The following RAPGEF6 variants were observed in gnomAD, a reference collection of about 807,000 sequenced individuals.
RAPGEF6 encodes the protein Rap guanine nucleotide exchange factor 6.
RAPGEF6 carries 56 observed loss-of-function variants against 171.4 expected under a neutral mutation model. The observed-to-expected ratio is 0.33, with a 90% CI of 0.26 to 0.41. RAPGEF6 has a LOEUF of 0.41. RAPGEF6 is among the 10% of genes least tolerant of loss of function. The pLI, the probability that RAPGEF6 is intolerant of heterozygous loss-of-function variation, is 1.00. For missense variants in RAPGEF6, 1,674 were observed against 1,921.4 expected (o/e 0.87, Z 2.41); for synonymous variants, 692 against 650.1 (o/e 1.06, Z -0.98).
chr5:131,521,941 T>TA (rs1446213893), intron 6 of RAPGEF6, among the ~76,000 whole-genome samples: 1 of 142,366 alleles, frequency 7.0e-6, no homozygotes, highest in African/African-American at 2.6e-5. Context: ...TCCCTCCTAA[T>TA]AAAAAATGGT....
intron 24 of RAPGEF6, among the ~76,000 whole-genome samples, chr5:131,436,818 G>T (rs1309882305): frequency 6.6e-6 from 1 of 152,124 alleles, no homozygotes; most frequent in Non-Finnish European, 1.5e-5. Context: ...ACATACAATA[G>T]GTATATTTAT....
chr5:131,527,305 A>AC lies in RAPGEF6; in HGVS notation c.496-5785_496-5784insG, dbSNP rs57032495. Among the ~76,000 whole-genome samples the AC allele has an allele frequency of 7.4e-3, 1,119 of 150,992 alleles. 14 individuals are homozygous for AC. Among genetic ancestry groups the AC allele is most frequent in the African/African-American group, 0.024 (964 of 40,832 alleles). Reference sequence around the variant, plus strand: ...AAAAAACAAAACAACAACAACAACAAAAAAAAACAGCTGGAAGAGAATGTT... The same window carrying AC: ...AAAAAACAAAACAACAACAACAACAACAAAAAAACAGCTGGAAGAGAATGTT... On this transcript the variant is annotated intron_variant, in intron 6 of 27. Coordinates refer to ENST00000509018, the MANE Select transcript of RAPGEF6 (RefSeq NM_016340.6).
chr5:131,428,472 T>C (rs1211190468), intron 27 of RAPGEF6, among the ~76,000 whole-genome samples: 1 of 152,096 alleles, frequency 6.6e-6, no homozygotes, highest in Admixed American at 6.5e-5. Flanking sequence ...TTTTTTTTTT[T>C]TTTTGGAGAC....
intron 15 of RAPGEF6, among the ~76,000 whole-genome samples, chr5:131,486,676 T>C (rs996271001): frequency 1.3e-5 from 2 of 152,006 alleles, no homozygotes; most frequent in Non-Finnish European, 2.9e-5. Context: ...TCTTTCTCAA[T>C]GATTGTTGTT....
At position 131,426,715 on chromosome 5, in the gene RAPGEF6, T is replaced by TTAA; in HGVS notation, c.*550_*551insTTA. 6.9e-6 allele frequency: 1 copy of TTAA among 144,034 alleles called. No homozygotes were observed. The highest frequency in any genetic ancestry group is 1.5e-5 in the Non-Finnish European group (1 of 65,716). The allele number at this position is 144,034 out of a possible 1,614,324, so 8.9% of individuals were successfully genotyped here. On this transcript the variant is annotated 3_prime_UTR_variant, in exon 28 of 28. Transcript: ENST00000509018. ...GTGTAGATCAAGCATATCACCTCTG[T>TTAA]AAAGATGACTTCTGTTTGGTCAGAC... is the stretch of plus-strand genomic sequence containing the variant.
At chr5:131,575,148 C>G (rs888934431) in intron 4 of RAPGEF6, among the ~76,000 whole-genome samples, 1 of 152,050 alleles carries the variant, frequency 6.6e-6, no homozygotes, top group African/African-American at 2.4e-5. Context: ...TCCTTTGCAC[C>G]CCTCATTCCA....
chr5:131,470,131 G>T (rs1447903698), intron 17 of RAPGEF6, among the ~76,000 whole-genome samples: 2 of 151,834 alleles, frequency 1.3e-5, no homozygotes, highest in Admixed American at 1.3e-4. Context: ...TAGATAAAAA[G>T]CCTTTCACAA....
intron 20 of RAPGEF6, among the ~76,000 whole-genome samples, chr5:131,454,426 G>C (rs752721339): frequency 3.3e-5 from 5 of 151,968 alleles, no homozygotes; most frequent in Non-Finnish European, 5.9e-5. Context: ...AGAAATGAAA[G>C]AGTAAAAAGG....
intron 2 of RAPGEF6, 89 bp from the exon 3 acceptor site, chr5:131,603,416 T>C: frequency 1.2e-6 from 1 of 857,992 alleles, no homozygotes; most frequent in Non-Finnish European, 1.8e-6. Flanking sequence ...ATAATCTAAT[T>C]GATTGTTAGA....
intron 17 of RAPGEF6, among the ~76,000 whole-genome samples, chr5:131,468,145 G>A (rs1180875659): frequency 2.6e-5 from 4 of 151,226 alleles, no homozygotes; most frequent in Non-Finnish European, 4.4e-5. Flanking sequence ...GGCTAACACC[G>A]TGAAACCCCA....
rs961759069 is a variant in RAPGEF6 at position 131,469,874 on chromosome 5, T to A, written c.2239+2713A>T. The A allele has an allele frequency of 1.3e-5, 17 of 1,359,230 alleles. No homozygotes were observed. The South Asian group carries it at 2.1e-4, about 17-fold the overall frequency. 84.2% of individuals were successfully genotyped at this position (1,359,230 alleles called of 1,614,324 possible). A position where few individuals can be genotyped will look rare whatever the true frequency, so the allele number is the denominator to read the frequency against. ...AAGCAATCAAAAACAAACTTACAGT[T>A]CTGTAGCTTTGCCCCCACTTTCATT... On this transcript the variant is annotated intron_variant, in intron 17 of 27. Transcript: ENST00000509018.
intron 22 of RAPGEF6, among the ~76,000 whole-genome samples, chr5:131,445,816 G>A (rs551914575): frequency 7.5e-4 from 114 of 152,074 alleles, no homozygotes; most frequent in South Asian, 6.2e-3. Flanking sequence ...AGGTTTCTAG[G>A]TGTGACCCAC....
intron 1 of RAPGEF6, among the ~76,000 whole-genome samples, chr5:131,634,439 AC>A (rs760717062): frequency 7.9e-5 from 12 of 152,254 alleles, no homozygotes; most frequent in Non-Finnish European, 1.6e-4. Context: ...CTGAAAAAGT[AC>A]CTACAGTGGT....
rs897857456 is a variant in RAPGEF6 at position 131,452,982 on chromosome 5, A to C, written c.3200+72T>G. On this transcript the variant is annotated intron_variant, in intron 21 of 27. Transcript: ENST00000509018. ...CATGGTAGAATAAATATGATCAATA[A>C]ATGATAAATATTTTAATTATTACAT... The C allele has an allele frequency of 8.6e-6, 13 of 1,510,030 alleles. No homozygotes were observed. The Admixed American group carries it at 2.4e-4, about 28-fold the overall frequency. The allele number at this position is 1,510,030 out of a possible 1,614,324, so 93.5% of individuals were successfully genotyped here.
At chr5:131,444,645 C>A (rs1038443529) in intron 22 of RAPGEF6, among the ~76,000 whole-genome samples, 2 of 152,032 alleles carry the variant, frequency 1.3e-5, no homozygotes, top group African/African-American at 4.8e-5. Context: ...AAAGAAAGGC[C>A]TAAAGATTTT....
chr5:131,479,616 C>T lies in RAPGEF6; in HGVS notation c.1978G>A (p.Gly660Arg), dbSNP rs762409924. ...GDIEQTSQEK[G>R]SKKVKANTVS... The stretch of plus-strand genomic sequence containing the variant: ...GTATTTGCTTTAACTTTCTTACTTC[C>T]TTTCTCCTGTGATGTCTGTTCAATA... Residue 660 changes from glycine to arginine, a missense_variant, in exon 16 of 28, where the codon GGA (glycine) becomes AGA (arginine). By Grantham distance (125) the Gly-to-Arg change is moderately radical (BLOSUM62 -2). Transcript: ENST00000509018. 1 of 1,614,010 alleles carries T rather than the reference C, an allele frequency of 6.2e-7. No individual in the cohort carries two copies. The highest frequency in any genetic ancestry group is 8.5e-7 in the Non-Finnish European group (1 of 1,179,968).
At chr5:131,460,920 T>C (rs968181342) in intron 19 of RAPGEF6, among the ~76,000 whole-genome samples, 1 of 152,152 alleles carries the variant, frequency 6.6e-6, no homozygotes, top group African/African-American at 2.4e-5. Flanking sequence ...TTAGTTCAAG[T>C]GGAATTATGC....
intron 24 of RAPGEF6, among the ~76,000 whole-genome samples, 200 bp downstream of exon 24, chr5:131,439,381 A>G (rs1338828691): frequency 6.6e-6 from 1 of 152,212 alleles, no homozygotes; most frequent in East Asian, 1.9e-4. Context: ...CACACTTTGA[A>G]TACTGGAGTC....
At position 131,579,481 on chromosome 5, in the gene RAPGEF6, G is replaced by A. The variant is rs564465369; in HGVS notation, c.281+12902C>T. Among the ~76,000 whole-genome samples, 20 of 152,292 alleles carry A rather than the reference G, an allele frequency of 1.3e-4. No homozygotes were observed. The South Asian group carries it at 1.4e-3, about 11-fold the overall frequency. On this transcript the variant is annotated intron_variant, in intron 4 of 27. Transcript: ENST00000509018. Reference sequence around the variant, plus strand: ...CATTTTACAGAGAGCTGATTGGTCCGTTTTGACAGGGTGCTGATTGGTGCG... The same window carrying A: ...CATTTTACAGAGAGCTGATTGGTCCATTTTGACAGGGTGCTGATTGGTGCG...
Sources: allele counts gnomAD v4.1 joint callset (sites outside exome capture counted in the v4.1 genomes callset), GRCh38; gene constraint gnomAD v4.1.1; transcripts MANE v1.5; gene names NCBI Gene and HGNC (gene_info 2026-07-23, HGNC 2026-07-21).